The following TBC1D5 variants were observed in gnomAD, a reference collection of about 807,000 sequenced individuals.
The protein encoded by TBC1D5 is TBC1 domain family member 5.
In TBC1D5, 75 loss-of-function variants were observed where a neutral mutation model predicts 100.3. The observed-to-expected ratio is 0.75, with a 90% CI of 0.62 to 0.91. The LOEUF is 0.91. Ranked by LOEUF, TBC1D5 falls within the 40% of genes least tolerant of loss-of-function variation. The probability of loss-of-function intolerance (pLI) is 0.00; values close to 1 mark genes in which losing one functional copy is unlikely to be tolerated. For missense variants in TBC1D5, 910 were observed against 942.4 expected (o/e 0.97, Z 0.45); for synonymous variants, 323 against 325.6 (o/e 0.99, Z 0.09).
chr3:17,299,809 A>C (rs1018467074), intron 14 of TBC1D5, among the ~76,000 whole-genome samples: 2 of 137,390 alleles, frequency 1.5e-5, no homozygotes, highest in Non-Finnish European at 3.1e-5. Flanking sequence ...CAGTGAGCCG[A>C]GATTGTGCCA....
chr3:17,593,499 T>A (rs2060365640), intron 2 of TBC1D5, among the ~76,000 whole-genome samples: 1 of 152,196 alleles, frequency 6.6e-6, no homozygotes, highest in African/African-American at 2.4e-5. Flanking sequence ...GGTGACAGGT[T>A]GATTATACTG....
intron 13 of TBC1D5, among the ~76,000 whole-genome samples, chr3:17,348,337 C>A (rs992147653): frequency 6.6e-6 from 1 of 152,142 alleles, no homozygotes; most frequent in African/African-American, 2.4e-5. Context: ...GCAAGCGATT[C>A]TCCATTTTTA....
At chr3:17,320,657 TTTTA>T (rs1289002615) in intron 13 of TBC1D5, among the ~76,000 whole-genome samples, 1 of 152,224 alleles carries the variant, frequency 6.6e-6, no homozygotes, top group East Asian at 1.9e-4. Flanking sequence ...TTTATTCCAG[TTTTA>T]TTTATATTAT....
At chr3:17,690,959 A>C (rs145793097) in intron 1 of TBC1D5, among the ~76,000 whole-genome samples, 1 of 152,236 alleles carries the variant, frequency 6.6e-6, no homozygotes, top group African/African-American at 2.4e-5. Context: ...CAGAGGAAAA[A>C]AAATCTGTTT....
chr3:17,722,502 G>A (rs1214900642), intron 1 of TBC1D5, among the ~76,000 whole-genome samples: 1 of 152,146 alleles, frequency 6.6e-6, no homozygotes, highest in Non-Finnish European at 1.5e-5. Context: ...CACCTCTGGT[G>A]TCACATCTGC....
intron 2 of TBC1D5, among the ~76,000 whole-genome samples, chr3:17,605,255 A>G (rs923613922): frequency 2.0e-5 from 3 of 152,200 alleles, no homozygotes; most frequent in Admixed American, 6.5e-5. Context: ...AGCCACAATA[A>G]GTATTAGTCA....
chr3:17,413,757 G>C (rs892538803), intron 4 of TBC1D5, among the ~76,000 whole-genome samples: 1 of 152,132 alleles, frequency 6.6e-6, no homozygotes, highest in Non-Finnish European at 1.5e-5. Context: ...ACACTGTATA[G>C]GTTTATATGA....
At chr3:17,535,155 T>C (rs1449399255) in intron 2 of TBC1D5, among the ~76,000 whole-genome samples, 1 of 152,180 alleles carries the variant, frequency 6.6e-6, no homozygotes, top group African/African-American at 2.4e-5. Flanking sequence ...TTAGAACATG[T>C]GTATAGTGAC....
chr3:17,352,540 T>C (rs2151705783), intron 13 of TBC1D5, among the ~76,000 whole-genome samples: 1 of 152,104 alleles, frequency 6.6e-6, no homozygotes, highest in African/African-American at 2.4e-5. Context: ...GGTGAAATTT[T>C]ACCTTGGTAC....
At chr3:17,162,004 T>C (rs1181095156) in intron 21 of TBC1D5, among the ~76,000 whole-genome samples, 1 of 151,108 alleles carries the variant, frequency 6.6e-6, no homozygotes, top group Admixed American at 6.6e-5. Flanking sequence ...TAAGCAATTA[T>C]GAGTGGCTTT....
intron 15 of TBC1D5, among the ~76,000 whole-genome samples, chr3:17,273,185 G>T (rs1349947814): frequency 6.6e-6 from 1 of 151,978 alleles, no homozygotes; most frequent in Non-Finnish European, 1.5e-5. Flanking sequence ...CATGTTGCTA[G>T]AATTATCTAC....
At chr3:17,452,995 A>G (rs2094962049) in intron 3 of TBC1D5, among the ~76,000 whole-genome samples, 1 of 151,988 alleles carries the variant, frequency 6.6e-6, no homozygotes, top group Non-Finnish European at 1.5e-5. Context: ...CTACAAATCA[A>G]TAACAAGAGG....
At chr3:17,433,640 T>A (rs1464155511) in intron 3 of TBC1D5, among the ~76,000 whole-genome samples, 5 of 152,114 alleles carry the variant, frequency 3.3e-5, no homozygotes, top group Non-Finnish European at 5.9e-5. Context: ...GGCCCAACCA[T>A]ATCACTGTAC....
At chr3:17,297,890 G>A (rs2082424084) in intron 14 of TBC1D5, among the ~76,000 whole-genome samples, 1 of 151,868 alleles carries the variant, frequency 6.6e-6, no homozygotes, top group Non-Finnish European at 1.5e-5. Flanking sequence ...ACTACACCTC[G>A]CCAAAACAAA....
intron 1 of TBC1D5, among the ~76,000 whole-genome samples, chr3:17,684,530 G>A (rs531044911): frequency 2.2e-4 from 33 of 152,076 alleles, no homozygotes; most frequent in Admixed American, 1.0e-3. Context: ...GCACTCACCC[G>A]AATGACTACT....
intron 15 of TBC1D5, among the ~76,000 whole-genome samples, chr3:17,291,340 G>A (rs573160793): frequency 6.6e-6 from 1 of 152,278 alleles, no homozygotes; most frequent in South Asian, 2.1e-4. Flanking sequence ...TTGGTGAATT[G>A]CTTTACGCTC....
At chr3:17,534,286 G>A (rs894019214) in intron 2 of TBC1D5, among the ~76,000 whole-genome samples, 13 of 152,016 alleles carry the variant, frequency 8.6e-5, no homozygotes, top group South Asian at 2.1e-4. Flanking sequence ...TGCAAAATAT[G>A]TCCATATTAT....
intron 1 of TBC1D5, among the ~76,000 whole-genome samples, chr3:17,692,491 GA>G (rs1176556576): frequency 6.6e-6 from 1 of 151,990 alleles, no homozygotes; most frequent in Non-Finnish European, 1.5e-5. Flanking sequence ...CAAAGACACA[GA>G]AAAAAACTAT....
intron 13 of TBC1D5, chr3:17,337,328 A>C (rs1283131901): frequency 6.6e-6 from 1 of 152,108 alleles, no homozygotes; most frequent in Non-Finnish European, 1.5e-5. Flanking sequence ...GAAACTATCT[A>C]GGTCTGGGGT....
Sources: allele counts gnomAD v4.1 joint callset (sites outside exome capture counted in the v4.1 genomes callset), GRCh38; gene constraint gnomAD v4.1.1; transcripts MANE v1.5; gene names NCBI Gene and HGNC (gene_info 2026-07-23, HGNC 2026-07-21).